PARD3: variants seen among roughly 807,000 people sequenced by gnomAD.
PARD3 encodes par-3 family cell polarity regulator.
In PARD3, 75 loss-of-function variants were observed where a neutral mutation model predicts 155.4. The observed-to-expected ratio is 0.48, with a 90% CI of 0.40 to 0.58. The LOEUF is 0.58. PARD3 is among the 20% of genes least tolerant of loss of function. The pLI is 0.00. For synonymous variants in PARD3, 576 were observed against 610.5 expected, an observed-to-expected ratio of 0.94 and a Z score of 0.83; for missense variants, 1,642 against 1,721.7, an observed-to-expected ratio of 0.95 and a Z score of 0.82.
chr10:34,419,651 A>G (rs914933689), intron 5 of PARD3, among the ~76,000 whole-genome samples: 3 of 152,234 alleles, frequency 2.0e-5, no homozygotes, highest in Non-Finnish European at 2.9e-5. Context: ...ACTAGGCAGT[A>G]TTTCGCCATT....
intron 12 of PARD3, among the ~76,000 whole-genome samples, chr10:34,365,498 G>A (rs12246266): frequency 0.042 from 6,321 of 152,222 alleles, 429 homozygotes; most frequent in African/African-American, 0.14. Context: ...GTCTTCACTC[G>A]TGCCTGGGGC....
Position 34,337,297 on chromosome 10 carries a change from T to G in PARD3, c.2538A>C (p.Lys846Asn), listed in dbSNP as rs1385060576. The G allele has an allele frequency of 6.3e-7, 1 of 1,599,788 alleles. No homozygotes were observed. Among genetic ancestry groups the G allele is most frequent in the Admixed American group, 1.7e-5 (1 of 57,342 alleles). Residue 846 changes from lysine (K) to asparagine (N), a missense_variant, in exon 17 of 25, where the codon AAA becomes AAC. Lys to Asn is a moderately conservative substitution (Grantham distance 94). Coordinates refer to ENST00000374788, the MANE Select transcript of PARD3 (RefSeq NM_001184785.2). ...ASQLDFVKTR[K>N]SKSMDLGIAD... is the part of the protein sequence containing the mutation. ...CACTACCTAAATCCATGCTTTTTGA[T>G]TTTCGTGTTTTAACGAAATCCAATT...
intron 22 of PARD3, among the ~76,000 whole-genome samples, chr10:34,259,427 T>C (rs1237286344): frequency 3.9e-5 from 6 of 152,194 alleles, no homozygotes; most frequent in Non-Finnish European, 8.8e-5. Flanking sequence ...CCTGCATCCC[T>C]TGGCTCATGG....
rs549080469 is a variant in PARD3, at chr10:34,470,371, T to C, written c.404-108A>G. The C allele has an allele frequency of 1.2e-5, 10 of 810,882 alleles. No homozygotes were observed. The South Asian group carries it at 1.3e-4, about 10-fold the overall frequency. 50.2% of individuals were successfully genotyped at this position (810,882 alleles called of 1,614,324 possible). A position where few individuals can be genotyped will look rare whatever the true frequency, so the allele number is the denominator to read the frequency against. ...AAGATTAAGGAACAGAATTACACTT[T>C]TGTAAAAGGGGACAAGTGGGTCAGT... On this transcript the variant is annotated intron_variant, in intron 3 of 24. Transcript: ENST00000374788.
intron 2 of PARD3, among the ~76,000 whole-genome samples, chr10:34,593,167 AAAAC>A (rs752240822): frequency 6.6e-6 from 1 of 152,200 alleles, no homozygotes; most frequent in South Asian, 2.1e-4. Flanking sequence ...TGTAAGGAGA[AAAAC>A]AAAGGATGAG....
chr10:34,233,574 A>T (rs1953052621), intron 22 of PARD3, among the ~76,000 whole-genome samples: 1 of 152,036 alleles, frequency 6.6e-6, no homozygotes, highest in Non-Finnish European at 1.5e-5. Flanking sequence ...TCTAAACTCA[A>T]CACTTACAAT....
intron 20 of PARD3, among the ~76,000 whole-genome samples, chr10:34,310,970 G>A (rs1369225849): frequency 6.6e-6 from 1 of 152,164 alleles, no homozygotes; most frequent in Non-Finnish European, 1.5e-5. Flanking sequence ...TACTTTAACT[G>A]TATTCCTTAA....
intron 16 of PARD3, among the ~76,000 whole-genome samples, chr10:34,339,065 TA>T (rs1443290188): frequency 6.6e-6 from 1 of 152,156 alleles, no homozygotes; most frequent in Non-Finnish European, 1.5e-5. Context: ...AACACACTTC[TA>T]AAAGTAAAAA....
intron 22 of PARD3, among the ~76,000 whole-genome samples, chr10:34,183,328 G>A (rs957739780): frequency 2.0e-5 from 3 of 152,142 alleles, no homozygotes; most frequent in Non-Finnish European, 2.9e-5. Context: ...CCCTGGGCTC[G>A]GGTGATCCTC....
At chr10:34,448,944 A>T (rs1293664576) in intron 5 of PARD3, among the ~76,000 whole-genome samples, 1 of 138,790 alleles carries the variant, frequency 7.2e-6, no homozygotes, top group African/African-American at 2.9e-5. Context: ...TTTGAGAGAG[A>T]GTCTCACTCT....
intron 1 of PARD3, among the ~76,000 whole-genome samples, chr10:34,811,822 G>A (rs1381149771): frequency 6.6e-6 from 1 of 152,110 alleles, no homozygotes; most frequent in African/African-American, 2.4e-5. Context: ...GTGTCAGGTC[G>A]CAAGCGCAGA....
intron 1 of PARD3, among the ~76,000 whole-genome samples, chr10:34,698,117 T>A (rs2094208327): frequency 5.3e-5 from 8 of 151,870 alleles, no homozygotes; most frequent in Admixed American, 3.9e-4. Context: ...ATATCAACTT[T>A]CGTTTCTAAA....
At chr10:34,406,751 G>C (rs1844517964) in intron 5 of PARD3, among the ~76,000 whole-genome samples, 1 of 149,846 alleles carries the variant, frequency 6.7e-6, no homozygotes, top group Non-Finnish European at 1.5e-5. Context: ...ACCTGACACA[G>C]AATGCAAGGG....
At chr10:34,140,231 C>T (rs1948113358) in intron 22 of PARD3, among the ~76,000 whole-genome samples, 1 of 152,066 alleles carries the variant, frequency 6.6e-6, no homozygotes, top group African/African-American at 2.4e-5. Context: ...TGGCAGGTTC[C>T]TGCCCCTTGA....
intron 22 of PARD3, among the ~76,000 whole-genome samples, chr10:34,211,712 G>A (rs912911837): frequency 9.9e-5 from 15 of 151,962 alleles, no homozygotes; most frequent in African/African-American, 3.4e-4. Context: ...CCCTGGAGGC[G>A]GAGATTGCAG....
intron 2 of PARD3, among the ~76,000 whole-genome samples, chr10:34,602,011 T>C (rs928920197): frequency 1.3e-5 from 2 of 152,174 alleles, no homozygotes; most frequent in African/African-American, 4.8e-5. Flanking sequence ...TGTTCCTTTA[T>C]GTGAAAGAAA....
At chr10:34,665,330 G>T (rs1177429057) in intron 2 of PARD3, among the ~76,000 whole-genome samples, 1 of 150,466 alleles carries the variant, frequency 6.6e-6, no homozygotes, top group African/African-American at 2.5e-5. Flanking sequence ...TGACCAACAT[G>T]GAGAAGCCCT....
At chr10:34,593,711 G>GAGCC (rs2088946078) in intron 2 of PARD3, among the ~76,000 whole-genome samples, 1 of 152,204 alleles carries the variant, frequency 6.6e-6, no homozygotes, top group Non-Finnish European at 1.5e-5. Flanking sequence ...GGGGAACAGA[G>GAGCC]AGCCTGCCAT....
At chr10:34,133,464 ACGT>A (rs988375176) in intron 22 of PARD3, among the ~76,000 whole-genome samples, 4 of 152,188 alleles carry the variant, frequency 2.6e-5, no homozygotes, top group Non-Finnish European at 5.9e-5. Context: ...CCACAACAGA[ACGT>A]CAGACTTCTT....
Sources: allele counts gnomAD v4.1 joint callset (sites outside exome capture counted in the v4.1 genomes callset), GRCh38; gene constraint gnomAD v4.1.1; transcripts MANE v1.5; gene names NCBI Gene and HGNC (gene_info 2026-07-23, HGNC 2026-07-21).